The following MAN1C1 variants were observed in gnomAD, a reference collection of about 807,000 sequenced individuals.
MAN1C1 encodes the protein mannosidase alpha class 1C member 1.
Under a neutral mutation model 71.5 loss-of-function variants are expected in MAN1C1, and 49 were observed. The observed-to-expected ratio is 0.69, with a 90% CI of 0.54 to 0.87. The LOEUF (loss-of-function observed/expected upper bound fraction) is 0.87, where lower values mean the gene tolerates loss of function less well. Among genes scored for constraint, MAN1C1 ranks in the 40% least tolerant of loss-of-function variants. The pLI, the probability that MAN1C1 is intolerant of heterozygous loss-of-function variation, is 0.00. For synonymous variants in MAN1C1, 352 were observed against 343.7 expected, an observed-to-expected ratio of 1.02 and a Z score of -0.27; for missense variants, 743 against 835.0, an observed-to-expected ratio of 0.89 and a Z score of 1.36.
intron 2 of MAN1C1, among the ~76,000 whole-genome samples, chr1:25,720,459 C>T (rs1220962347): frequency 6.6e-6 from 1 of 152,196 alleles, no homozygotes; most frequent in African/African-American, 2.4e-5. Flanking sequence ...GATCCACCCA[C>T]CTCGGCCTCC....
chr1:25,754,722 G>A (rs529105198), intron 5 of MAN1C1, among the ~76,000 whole-genome samples: 2 of 152,278 alleles, frequency 1.3e-5, no homozygotes, highest in South Asian at 4.2e-4. Context: ...CCCCGGGTCT[G>A]GGGTAGGACA....
chr1:25,730,328 T>C lies in MAN1C1; in HGVS notation c.638-16340T>C, dbSNP rs1391938904. 6.6e-6 allele frequency among the ~76,000 whole-genome samples: 1 copy of C among 152,186 alleles called. No homozygotes were observed. Among genetic ancestry groups the C allele is most frequent in the Non-Finnish European group, 1.5e-5 (1 of 68,018 alleles). On this transcript the variant is annotated intron_variant, in intron 2 of 11. Coordinates refer to ENST00000374332, the MANE Select transcript of MAN1C1 (RefSeq NM_020379.4). This position sits in a 1 kb window ranked among gnomAD's most constrained non-coding sequence, Gnocchi z 4.3. ...ATTAAGCACGATGGCTTTTTAATGA[T>C]TTGAGCTGTGCCTTCTGTGAATTGA...
chr1:25,712,498 C>T (rs1344044660), intron 2 of MAN1C1, among the ~76,000 whole-genome samples: 1 of 152,170 alleles, frequency 6.6e-6, no homozygotes, highest in Non-Finnish European at 1.5e-5. Context: ...GAGAAGGGGC[C>T]TTGGCCTGTT....
intron 2 of MAN1C1, among the ~76,000 whole-genome samples, chr1:25,693,681 A>G (rs888388715): frequency 6.6e-6 from 1 of 152,188 alleles, no homozygotes. Flanking sequence ...TTACAAGTTC[A>G]TGTTGATCAA....
At chr1:25,724,790 C>T (rs1413283016) in intron 2 of MAN1C1, among the ~76,000 whole-genome samples, 1 of 152,188 alleles carries the variant, frequency 6.6e-6, no homozygotes, top group Non-Finnish European at 1.5e-5. Flanking sequence ...TTCTGCCACC[C>T]TGATTTGCAT....
rs1440560526 is a variant in MAN1C1 at position 25,753,341 on chromosome 1, A to G, written c.835-143A>G. 3 of 528,326 alleles carry G rather than the reference A, an allele frequency of 5.7e-6. No homozygotes were observed. In the African/African-American group the frequency reaches 5.9e-5, roughly 10 times the overall value. The allele number at this position is 528,326 out of a possible 1,614,324, so 32.7% of individuals were successfully genotyped here. ...CAAAGTCCACGTGGCCAGCAGTTGGAAGAACCGGGCTGGTGGACTGCAGCA... is the reference window on the plus strand; with the variant it reads ...CAAAGTCCACGTGGCCAGCAGTTGGGAGAACCGGGCTGGTGGACTGCAGCA... On this transcript the variant is annotated intron_variant, in intron 4 of 11. Coordinates refer to ENST00000374332, the MANE Select transcript of MAN1C1 (RefSeq NM_020379.4). This position sits in a 1 kb window ranked among gnomAD's most constrained non-coding sequence, Gnocchi z 4.9.
intron 1 of MAN1C1, among the ~76,000 whole-genome samples, chr1:25,662,180 G>A (rs1488531399): frequency 2.6e-5 from 4 of 152,262 alleles, no homozygotes; most frequent in Admixed American, 6.5e-5. Context: ...AGCTCCAGGA[G>A]GCAGGGACCC....
chr1:25,738,447 A>T (rs2047013183), intron 2 of MAN1C1, among the ~76,000 whole-genome samples: 1 of 152,190 alleles, frequency 6.6e-6, no homozygotes, highest in African/African-American at 2.4e-5. Flanking sequence ...ATGTGGCAAA[A>T]ACATTCCAGT....
chr1:25,634,832 T>A lies in MAN1C1; in HGVS notation c.540+16495T>A, dbSNP rs577925325. ...GAGACTCTGTCTCAAAAAAAAATAA[T>A]AATAAAATAAAATAAAAGAATGCTA... On this transcript the variant is annotated intron_variant, in intron 1 of 11. Coordinates refer to ENST00000374332, the MANE Select transcript of MAN1C1 (RefSeq NM_020379.4). This position sits in a 1 kb window ranked among gnomAD's most constrained non-coding sequence, Gnocchi z 4.6. 1.1e-3 allele frequency among the ~76,000 whole-genome samples: 161 copies of A among 151,888 alleles called. No homozygotes were observed. The highest frequency in any genetic ancestry group is 3.7e-3 in the African/African-American group (153 of 41,392).
intron 1 of MAN1C1, among the ~76,000 whole-genome samples, chr1:25,629,656 G>A (rs973742837): frequency 2.0e-5 from 3 of 151,998 alleles, no homozygotes; most frequent in African/African-American, 7.2e-5. Context: ...CCCTACCTCA[G>A]GTGATCTGCC....
At chr1:25,749,550 C>G (rs2047186676) in intron 4 of MAN1C1, among the ~76,000 whole-genome samples, 1 of 152,222 alleles carries the variant, frequency 6.6e-6, no homozygotes, top group Non-Finnish European at 1.5e-5. Flanking sequence ...GGGCATGTTG[C>G]TCCCACCCCA....
chr1:25,689,244 C>G (rs1318064075), intron 2 of MAN1C1, among the ~76,000 whole-genome samples: 1 of 152,116 alleles, frequency 6.6e-6, no homozygotes, highest in Non-Finnish European at 1.5e-5. Context: ...TCTAGGTGCT[C>G]TCAGAGAGAG....
intron 2 of MAN1C1, among the ~76,000 whole-genome samples, chr1:25,692,645 G>T (rs186933492): frequency 6.6e-6 from 1 of 152,116 alleles, no homozygotes; most frequent in African/African-American, 2.4e-5. Context: ...TCCCAGTTCC[G>T]CTGGACTTCA....
chr1:25,740,437 G>C (rs1169312202), intron 2 of MAN1C1, among the ~76,000 whole-genome samples: 2 of 151,958 alleles, frequency 1.3e-5, no homozygotes, highest in African/African-American at 2.4e-5. Context: ...TGTTGTTGTT[G>C]TTGTTGTCGT....
Position 25,764,239 on chromosome 1 carries a change from A to G in MAN1C1, c.1141+272A>G, listed in dbSNP as rs1229240960. ...TCCAAACCCTACCTTCTCTGGCCCC[A>G]TCAATGGCGCAGCCTTCCATCTCTT... On this transcript the variant is annotated intron_variant, in intron 7 of 11. Transcript: ENST00000374332. This position sits in a 1 kb window ranked among gnomAD's most constrained non-coding sequence, Gnocchi z 4.4. 6.6e-6 allele frequency among the ~76,000 whole-genome samples: 1 copy of G among 151,808 alleles called. No individual in the cohort carries two copies. Among genetic ancestry groups the G allele is most frequent in the Non-Finnish European group, 1.5e-5 (1 of 67,942 alleles).
chr1:25,629,430 C>CTACT (rs2124752279), intron 1 of MAN1C1, among the ~76,000 whole-genome samples: 1 of 152,094 alleles, frequency 6.6e-6, no homozygotes, highest in East Asian at 1.9e-4. Context: ...TGTCATTTGC[C>CTACT]TACTTAATTA....
chr1:25,737,208 A>G (rs1002742635), intron 2 of MAN1C1, among the ~76,000 whole-genome samples: 5 of 152,222 alleles, frequency 3.3e-5, no homozygotes, highest in South Asian at 2.1e-4. Context: ...CTGTTTTCCA[A>G]TGAGGAGCTG....
chr1:25,657,985 A>G (rs989953143), intron 1 of MAN1C1, among the ~76,000 whole-genome samples: 4 of 152,108 alleles, frequency 2.6e-5, no homozygotes, highest in African/African-American at 7.2e-5. Context: ...GGGCTCACCA[A>G]CCTCAGCATT....
chr1:25,728,865 T>G (rs551952925), intron 2 of MAN1C1, among the ~76,000 whole-genome samples: 1 of 152,176 alleles, frequency 6.6e-6, no homozygotes, highest in East Asian at 1.9e-4. Context: ...GATATTACCC[T>G]CAAATAAAGG....
Sources: allele counts gnomAD v4.1 joint callset (sites outside exome capture counted in the v4.1 genomes callset), GRCh38; gene constraint gnomAD v4.1.1; non-coding constraint Gnocchi (gnomAD v3.1); transcripts MANE v1.5; gene names NCBI Gene and HGNC (gene_info 2026-07-23, HGNC 2026-07-21).